Variants in SDK1 observed in about 807,000 individuals in gnomAD.
The protein encoded by SDK1 is protein sidekick-1.
A neutral mutation model predicts 245.5 loss-of-function variants in SDK1; 157 were observed. The ratio of observed to expected loss-of-function variants is 0.64; its 90% CI spans 0.56 to 0.73. SDK1 has a LOEUF of 0.73. Among genes scored for constraint, SDK1 ranks in the 30% least tolerant of loss-of-function variants. SDK1 has a pLI of 0.00. For synonymous variants in SDK1, 1,647 were observed against 1,278.5 expected, an observed-to-expected ratio of 1.29 and a Z score of -6.15; for missense variants, 3,583 against 3,002.3, an observed-to-expected ratio of 1.19 and a Z score of -4.52.
intron 1 of SDK1, among the ~76,000 whole-genome samples, chr7:3,476,489 A>G (rs1285925151): frequency 6.6e-6 from 1 of 152,194 alleles, no homozygotes; most frequent in African/African-American, 2.4e-5. Flanking sequence ...TTTCTGCCGA[A>G]TGATACAACT....
At chr7:3,558,534 C>G (rs1192895663) in intron 1 of SDK1, among the ~76,000 whole-genome samples, 1 of 152,142 alleles carries the variant, frequency 6.6e-6, no homozygotes, top group Non-Finnish European at 1.5e-5. Flanking sequence ...GGGCAAGAGG[C>G]AGTGATTGGC....
At chr7:3,510,425 G>A (rs1458956898) in intron 1 of SDK1, among the ~76,000 whole-genome samples, 1 of 152,160 alleles carries the variant, frequency 6.6e-6, no homozygotes, top group African/African-American at 2.4e-5. Context: ...AAGGCACTCG[G>A]TCTTCTAAAG....
At chr7:4,128,549 C>A (rs1784540909) in intron 26 of SDK1, among the ~76,000 whole-genome samples, 1 of 151,238 alleles carries the variant, frequency 6.6e-6, no homozygotes, top group Non-Finnish European at 1.5e-5. Flanking sequence ...TGGAGCAGAG[C>A]AGCTTGGGGT....
intron 13 of SDK1, among the ~76,000 whole-genome samples, chr7:3,975,195 A>G (rs1782819896): frequency 6.6e-6 from 1 of 152,208 alleles, no homozygotes; most frequent in Non-Finnish European, 1.5e-5. Flanking sequence ...ATACCTGCTG[A>G]CACATTTTAT....
chr7:3,874,134 TGTTC>T (rs1174801101), intron 5 of SDK1, among the ~76,000 whole-genome samples: 1 of 152,220 alleles, frequency 6.6e-6, no homozygotes, highest in African/African-American at 2.4e-5. Context: ...TGAAGGTTTT[TGTTC>T]GTTTGGTCAG....
chr7:4,221,624 G>A (rs1292253874), intron 40 of SDK1, among the ~76,000 whole-genome samples: 2 of 152,134 alleles, frequency 1.3e-5, no homozygotes, highest in Non-Finnish European at 2.9e-5. Flanking sequence ...GGATGATAAT[G>A]GTTATTCCTA....
intron 4 of SDK1, among the ~76,000 whole-genome samples, chr7:3,700,252 C>T (rs1023883867): frequency 6.6e-6 from 1 of 152,102 alleles, no homozygotes; most frequent in Non-Finnish European, 1.5e-5. Flanking sequence ...TGAGAGTTAT[C>T]TTGGGACATC....
intron 22 of SDK1, among the ~76,000 whole-genome samples, chr7:4,109,903 G>T (rs1462408291): frequency 1.3e-5 from 2 of 152,094 alleles, no homozygotes. Flanking sequence ...CCCAGACAGG[G>T]AGTAAAATTA....
At chr7:3,447,485 T>A (rs1780375928) in intron 1 of SDK1, among the ~76,000 whole-genome samples, 1 of 152,134 alleles carries the variant, frequency 6.6e-6, no homozygotes, top group Admixed American at 6.6e-5. Context: ...CTTCATAAAT[T>A]GGACCATTCG....
At chr7:3,660,045 A>T (rs1783305242) in intron 4 of SDK1, among the ~76,000 whole-genome samples, 2 of 152,178 alleles carry the variant, frequency 1.3e-5, no homozygotes, top group African/African-American at 2.4e-5. Flanking sequence ...GATGTTTGTA[A>T]ACACACGAGT....
chr7:4,059,881 CTT>C (rs538796519), intron 19 of SDK1, among the ~76,000 whole-genome samples: 91 of 139,784 alleles, frequency 6.5e-4, no homozygotes, highest in Admixed American at 1.1e-3. Context: ...TTAAAAATTT[CTT>C]TTTTTTTTTT....
chr7:4,215,604 A>G (rs987133140), intron 38 of SDK1, among the ~76,000 whole-genome samples: 6 of 152,324 alleles, frequency 3.9e-5, no homozygotes, highest in African/African-American at 1.4e-4. Context: ...GACCGCAGAC[A>G]TGCTGAGTCT....
chr7:3,854,772 C>G (rs1191632998), intron 5 of SDK1, among the ~76,000 whole-genome samples: 4 of 151,924 alleles, frequency 2.6e-5, no homozygotes, highest in Non-Finnish European at 4.4e-5. Context: ...CCTTCTCACT[C>G]CAAATAATAG....
intron 4 of SDK1, among the ~76,000 whole-genome samples, chr7:3,784,166 C>T (rs990904555): frequency 6.6e-6 from 1 of 150,768 alleles, no homozygotes. Context: ...AATGACTCAT[C>T]CCTGAGCCTG....
intron 1 of SDK1, among the ~76,000 whole-genome samples, chr7:3,417,709 TA>T (rs1779413472): frequency 3.3e-5 from 5 of 152,182 alleles, no homozygotes; most frequent in African/African-American, 4.8e-5. Flanking sequence ...CATTGTTACA[TA>T]AAGTGTTTAG....
Position 3,799,675 on chromosome 7 carries a change from A to G in SDK1, c.714-21775A>G, listed in dbSNP as rs370981617. Among the ~76,000 whole-genome samples, 4 of 142,810 alleles carry G rather than the reference A, an allele frequency of 2.8e-5. No homozygotes were observed. In the South Asian group the frequency reaches 6.9e-4, roughly 24 times the overall value. The allele number at this position is 142,810 out of a possible 152,430, so 93.7% of individuals were successfully genotyped here. A position where few individuals can be genotyped will look rare whatever the true frequency, so the allele number is the denominator to read the frequency against. ...AGCCAAAATCGCGCCACTGCACTCCAGCCTGGGCGACAGAGTGAGACTCCA... is the reference window on the plus strand; with the variant it reads ...AGCCAAAATCGCGCCACTGCACTCCGGCCTGGGCGACAGAGTGAGACTCCA... On this transcript the variant is annotated intron_variant, in intron 4 of 44. Coordinates refer to ENST00000404826, the MANE Select transcript of SDK1 (RefSeq NM_152744.4).
intron 1 of SDK1, among the ~76,000 whole-genome samples, chr7:3,572,850 A>G (rs1780159259): frequency 6.6e-6 from 1 of 152,030 alleles, no homozygotes; most frequent in South Asian, 2.1e-4. Flanking sequence ...ATTGAAATGT[A>G]TTCACCTGAA....
intron 1 of SDK1, among the ~76,000 whole-genome samples, chr7:3,572,996 C>T (rs1355135890): frequency 1.3e-5 from 2 of 151,962 alleles, no homozygotes; most frequent in African/African-American, 2.4e-5. Context: ...CTGGGGTGAC[C>T]ACCCAAAAGT....
chr7:3,905,844 G>A (rs1463853984), intron 5 of SDK1, among the ~76,000 whole-genome samples: 1 of 151,964 alleles, frequency 6.6e-6, no homozygotes, highest in Non-Finnish European at 1.5e-5. Flanking sequence ...GGCTGGTCTT[G>A]AACTCTTGGC....
Sources: gnomAD v4.1 joint callset for allele counts (sites outside exome capture counted in the v4.1 genomes callset) on GRCh38, gnomAD v4.1.1 for gene constraint, MANE v1.5 for transcripts, NCBI Gene and HGNC (gene_info 2026-07-23, HGNC 2026-07-21) for gene names.